Variants in GRIN2B observed in about 807,000 individuals in gnomAD.
GRIN2B encodes glutamate ionotropic receptor NMDA type subunit 2B, also known as glutamate receptor ionotropic, NMDA 2B.
A neutral mutation model predicts 114.5 loss-of-function variants in GRIN2B; 5 were observed. That is an observed-to-expected ratio of 0.04 (90% CI 0.02 to 0.09). The LOEUF (loss-of-function observed/expected upper bound fraction) is 0.09, where lower values mean the gene tolerates loss of function less well. Ranked by LOEUF, GRIN2B falls within the 10% of genes least tolerant of loss-of-function variation. GRIN2B has a pLI of 1.00. For synonymous variants in GRIN2B, 787 were observed against 745.1 expected, an observed-to-expected ratio of 1.06 and a Z score of -0.92; for missense variants, 1,108 against 1,943.5, an observed-to-expected ratio of 0.57 and a Z score of 8.08.
intron 5 of GRIN2B, among the ~76,000 whole-genome samples, chr12:13,638,268 T>C (rs564321043): frequency 5.9e-5 from 9 of 152,114 alleles, no homozygotes; most frequent in Non-Finnish European, 1.3e-4. Context: ...ACAAGGTTAC[T>C]GAAAGAAAAG....
chr12:13,935,860 G>A (rs958579196), intron 2 of GRIN2B, among the ~76,000 whole-genome samples: 3 of 152,138 alleles, frequency 2.0e-5, no homozygotes, highest in African/African-American at 4.8e-5. Context: ...CTATTTCCAG[G>A]CAGTGGACAA....
intron 10 of GRIN2B, among the ~76,000 whole-genome samples, chr12:13,585,728 C>G (rs1948913464): frequency 6.6e-6 from 1 of 152,202 alleles, no homozygotes; most frequent in Admixed American, 6.5e-5. Context: ...TTGAGAAATG[C>G]CAGTTGAGCA....
chr12:13,808,746 A>T (rs1227339106), intron 3 of GRIN2B, among the ~76,000 whole-genome samples: 1 of 40,414 alleles, frequency 2.5e-5, no homozygotes, highest in South Asian at 9.8e-4. Flanking sequence ...AGTATAATAA[A>T]AAAAAAATAT....
At chr12:13,643,987 G>C (rs1949741771) in intron 5 of GRIN2B, among the ~76,000 whole-genome samples, 1 of 152,068 alleles carries the variant, frequency 6.6e-6, no homozygotes, top group Non-Finnish European at 1.5e-5. Flanking sequence ...ATGAGGGCCG[G>C]AATAAACTTT....
At chr12:13,657,822 T>A (rs1949881177) in intron 5 of GRIN2B, among the ~76,000 whole-genome samples, 1 of 152,354 alleles carries the variant, frequency 6.6e-6, no homozygotes, top group Non-Finnish European at 1.5e-5. Flanking sequence ...ATTTATGACA[T>A]CATTCACAGC....
chr12:13,828,939 T>C (rs558496585), intron 3 of GRIN2B, among the ~76,000 whole-genome samples: 12 of 152,322 alleles, frequency 7.9e-5, no homozygotes, highest in African/African-American at 2.4e-4. Flanking sequence ...GTGCCTGTCT[T>C]TTTTTCTGAC....
At chr12:13,611,983 G>T in intron 8 of GRIN2B, 133 bp from the exon 9 acceptor site, 1 of 858,670 alleles carries the variant, frequency 1.2e-6, no homozygotes, top group Non-Finnish European at 1.9e-6. Context: ...CAGGAAGCCA[G>T]GGCCTAGGTT....
intron 2 of GRIN2B, among the ~76,000 whole-genome samples, chr12:13,951,214 A>G (rs944807213): frequency 6.6e-6 from 1 of 152,204 alleles, no homozygotes; most frequent in African/African-American, 2.4e-5. Context: ...TTCAAATTTA[A>G]TTGAGTGTTC....
At chr12:13,632,397 T>A (rs914174801) in intron 5 of GRIN2B, among the ~76,000 whole-genome samples, 5 of 152,238 alleles carry the variant, frequency 3.3e-5, no homozygotes, top group East Asian at 1.9e-4. Flanking sequence ...GGAGAATAGA[T>A]AATATGCAGC....
chr12:13,862,076 G>T (rs1865761692), intron 3 of GRIN2B, among the ~76,000 whole-genome samples: 1 of 152,150 alleles, frequency 6.6e-6, no homozygotes, highest in Admixed American at 6.5e-5. Context: ...AATCCAGCTT[G>T]GACTCTAAAT....
chr12:13,539,569 A>G lies in GRIN2B; in HGVS notation c.*23214T>C, dbSNP rs1948252273. 1 of 152,234 alleles carries G rather than the reference A, an allele frequency of 6.6e-6. No homozygotes were observed. Among genetic ancestry groups the G allele is most frequent in the Non-Finnish European group, 1.5e-5 (1 of 68,038 alleles). 9.4% of individuals were successfully genotyped at this position (152,234 alleles called of 1,614,324 possible). A position where few individuals can be genotyped will look rare whatever the true frequency, so the allele number is the denominator to read the frequency against. ...TGGGGTGGGAAACAATCAGCAAAAC[A>G]AGGGCTGGTTTGCTTTTCTGACACC... On this transcript the variant is annotated 3_prime_UTR_variant, in exon 14 of 14. Coordinates refer to ENST00000609686, the MANE Select transcript of GRIN2B (RefSeq NM_000834.5).
chr12:13,898,865 T>C (rs1157462350), intron 2 of GRIN2B, among the ~76,000 whole-genome samples: 2 of 152,260 alleles, frequency 1.3e-5, no homozygotes, highest in Non-Finnish European at 2.9e-5. Context: ...GAGCCGAGAT[T>C]GTGCCATTGC....
intron 4 of GRIN2B, among the ~76,000 whole-genome samples, chr12:13,742,912 T>C (rs1863310787): frequency 6.6e-6 from 1 of 152,188 alleles, no homozygotes; most frequent in South Asian, 2.1e-4. Context: ...CTTCCTTCCT[T>C]TCTAACTTCA....
In GRIN2B at chr12:13,549,592, C is replaced by G. The variant is rs551720969; in HGVS notation, c.*13191G>C. The G allele has an allele frequency of 6.6e-6, 1 of 152,126 alleles. No homozygotes were observed. Among genetic ancestry groups the G allele is most frequent in the Non-Finnish European group, 1.5e-5 (1 of 68,036 alleles). The allele number at this position is 152,126 out of a possible 1,614,324, so 9.4% of individuals were successfully genotyped here. A position where few individuals can be genotyped will look rare whatever the true frequency, so the allele number is the denominator to read the frequency against. ...CGGAGTATCATGACACCCCTGCACA[C>G]GTTCCTGAAGGCTCTTTTGCCATGT... On this transcript the variant is annotated 3_prime_UTR_variant, in exon 14 of 14. Transcript: ENST00000609686.
chr12:13,834,647 G>C (rs2136707095), intron 3 of GRIN2B, among the ~76,000 whole-genome samples: 1 of 152,284 alleles, frequency 6.6e-6, no homozygotes, highest in Admixed American at 6.5e-5. Flanking sequence ...TTTCACAGGT[G>C]AATATGCAGG....
chr12:13,849,328 A>G (rs1322698353), intron 3 of GRIN2B, among the ~76,000 whole-genome samples: 2 of 152,088 alleles, frequency 1.3e-5, no homozygotes, highest in East Asian at 1.9e-4. Context: ...AACTGGACCT[A>G]CAGCTGTCAC....
At position 13,765,289 on chromosome 12, in the gene GRIN2B, G is replaced by A. The variant is rs920822399; in HGVS notation, c.412-11374C>T. Among the ~76,000 whole-genome samples the A allele has an allele frequency of 5.9e-5, 9 of 152,242 alleles. No homozygotes were observed. In the South Asian group the frequency reaches 8.3e-4, roughly 14 times the overall value. On this transcript the variant is annotated intron_variant, in intron 3 of 13. Transcript: ENST00000609686. ...CTCATAGTAGGACCACAACTAAACC[G>A]GTTTTGTAGAACATGAGGTGAAACT... is the stretch of plus-strand genomic sequence containing the variant.
chr12:13,851,077 A>G (rs1433849740), intron 3 of GRIN2B, among the ~76,000 whole-genome samples: 1 of 152,068 alleles, frequency 6.6e-6, no homozygotes, highest in East Asian at 1.9e-4. Context: ...TGAAACTCCA[A>G]ATTTGGCCCA....
At chr12:13,663,811 T>C (rs1043933180) in intron 5 of GRIN2B, among the ~76,000 whole-genome samples, 3 of 152,318 alleles carry the variant, frequency 2.0e-5, no homozygotes, top group South Asian at 4.1e-4. Context: ...ATTTTTCCAT[T>C]TTCCTGTTTT....
Sources: allele counts gnomAD v4.1 joint callset (sites outside exome capture counted in the v4.1 genomes callset), GRCh38; gene constraint gnomAD v4.1.1; transcripts MANE v1.5; gene names NCBI Gene and HGNC (gene_info 2026-07-23, HGNC 2026-07-21).